VWDE: variants seen among roughly 807,000 people sequenced by gnomAD.
VWDE encodes von Willebrand factor D and EGF domain-containing protein.
Under a neutral mutation model 178.4 loss-of-function variants are expected in VWDE, and 207 were observed. The ratio of observed to expected loss-of-function variants is 1.16; its 90% CI spans 1.04 to 1.30. The LOEUF is 1.30. Among genes scored for constraint, VWDE ranks in the 50% most tolerant of loss-of-function variants. The probability of loss-of-function intolerance (pLI) is 0.00; values close to 1 mark genes in which losing one functional copy is unlikely to be tolerated. For synonymous variants in VWDE, 738 were observed against 651.4 expected (o/e 1.13, Z -2.02); for missense variants, 2,287 against 1,901.3 (o/e 1.20, Z -3.77).
chr7:12,357,981 G>A (rs994313385), intron 16 of VWDE, among the ~76,000 whole-genome samples: 2 of 151,874 alleles, frequency 1.3e-5, no homozygotes, highest in African/African-American at 4.8e-5. Context: ...AACGTTTCTC[G>A]CTGTACTTGC....
chr7:12,379,264 A>C (rs1216514174), intron 6 of VWDE, among the ~76,000 whole-genome samples: 1 of 152,236 alleles, frequency 6.6e-6, no homozygotes, highest in Non-Finnish European at 1.5e-5. Context: ...TCTTTAAAAA[A>C]TGAAGGTACA....
chr7:12,370,166 G>A lies in VWDE; in HGVS notation c.2140C>T (p.His714Tyr), dbSNP rs1409594752. 2 of 1,551,374 alleles carry A rather than the reference G, an allele frequency of 1.3e-6. No individual in the cohort carries two copies. The highest frequency in any genetic ancestry group is 8.7e-7 in the Non-Finnish European group (1 of 1,146,860). ...GAATCTTCTTTCTCATTTCCAGGAT[G>A]TTTTTGTACATTTAAGCCGAGTTTA... ...LTKLGLNVQK[H>Y]PGNEKEDSLQ... The change falls in exon 12 of 29, where the codon CAT (histidine) becomes TAT (tyrosine). Residue 714 changes from histidine (H) to tyrosine (Y), a missense_variant. His to Tyr is a moderately conservative substitution (Grantham distance 83). Coordinates refer to ENST00000275358, the MANE Select transcript of VWDE (RefSeq NM_001135924.3).
At chr7:12,337,938 T>C (rs1174216256) in intron 24 of VWDE, among the ~76,000 whole-genome samples, 2 of 152,146 alleles carry the variant, frequency 1.3e-5, no homozygotes, top group Admixed American at 6.5e-5. Flanking sequence ...TTCTTCCATA[T>C]ATGGAAATTA....
intron 19 of VWDE, among the ~76,000 whole-genome samples, chr7:12,349,194 T>A (rs1781788028): frequency 6.6e-6 from 1 of 151,532 alleles, no homozygotes; most frequent in Admixed American, 6.6e-5. Context: ...ACCTACACAT[T>A]GTGCACATGT....
chr7:12,397,170 A>G (rs577530649), intron 1 of VWDE, among the ~76,000 whole-genome samples: 1 of 152,302 alleles, frequency 6.6e-6, no homozygotes, highest in African/African-American at 2.4e-5. Flanking sequence ...ACTTCATACT[A>G]TATTATAAGG....
intron 27 of VWDE, among the ~76,000 whole-genome samples, chr7:12,335,604 T>C (rs1963819): frequency 0.021 from 3,133 of 152,070 alleles, 74 homozygotes; most frequent in Admixed American, 0.055. Flanking sequence ...TACAGGCGCC[T>C]GCCACCACGC....
Position 12,370,008 on chromosome 7 carries a change from A to G in VWDE, c.2298T>C (p.Ser766=), listed in dbSNP as rs1783086610. The G allele has an allele frequency of 6.4e-7, 1 of 1,551,278 alleles. No individual in the cohort carries two copies. Among genetic ancestry groups the G allele is most frequent in the South Asian group, 1.2e-5 (1 of 84,056 alleles). Reference sequence around the variant, plus strand: ...GTTCTTCCAGATCCGTTTGGCTGAGACTCGGGAAAGCAAACAAAGGAGGAA... The same window carrying G: ...GTTCTTCCAGATCCGTTTGGCTGAGGCTCGGGAAAGCAAACAAAGGAGGAA... The part of the protein sequence containing the change: ...HEFPPLFAFP[S]LSQTDLEELT... The change falls in exon 12 of 29, where the codon AGT becomes AGC. Residue 766 remains serine, a synonymous_variant. Transcript: ENST00000275358.
intron 28 of VWDE, among the ~76,000 whole-genome samples, chr7:12,332,425 A>G (rs1292365950): frequency 6.6e-6 from 1 of 152,102 alleles, no homozygotes; most frequent in Non-Finnish European, 1.5e-5. Context: ...ATGAGGAAGG[A>G]TTCAGATGGC....
intron 1 of VWDE, among the ~76,000 whole-genome samples, chr7:12,402,870 CATA>C (rs1784973763): frequency 6.6e-6 from 1 of 151,874 alleles, no homozygotes; most frequent in African/African-American, 2.4e-5. Flanking sequence ...AAATGTTGTA[CATA>C]ATGTTTTTTC....
At chr7:12,339,434 T>C (rs1260850822) in intron 24 of VWDE, among the ~76,000 whole-genome samples, 1 of 152,142 alleles carries the variant, frequency 6.6e-6, no homozygotes, top group Non-Finnish European at 1.5e-5. Flanking sequence ...TAACTTAGTC[T>C]TTACTTCTTT....
At position 12,336,152 on chromosome 7, in the gene VWDE, C is replaced by A. The variant is rs544020247; in HGVS notation, c.4643G>T (p.Arg1548Leu). 3 of 1,550,652 alleles carry A rather than the reference C, an allele frequency of 1.9e-6. No individual in the cohort carries two copies. In the African/African-American group the frequency reaches 4.1e-5, roughly 21 times the overall value. ...CHCPSSWEGV[R>L]CQIPICNPKC... ...TCCTGTGGGCTTACGTATTTGACACCGCACTCCTTCCCAGGAGGAAGGACA... is the reference window on the plus strand; with the variant it reads ...TCCTGTGGGCTTACGTATTTGACACAGCACTCCTTCCCAGGAGGAAGGACA... The change falls in exon 27 of 29, where the codon CGG becomes CTG. Residue 1548 changes from arginine (R) to leucine (L), a missense_variant. Arg to Leu is a moderately radical substitution (Grantham distance 102). Transcript: ENST00000275358.
chr7:12,371,978 C>T (rs1015617780), intron 10 of VWDE, among the ~76,000 whole-genome samples: 1 of 151,992 alleles, frequency 6.6e-6, no homozygotes, highest in Non-Finnish European at 1.5e-5. Context: ...GCAAAATGCA[C>T]ACATAGGTGC....
chr7:12,343,653 C>T (rs1205188823), intron 21 of VWDE, among the ~76,000 whole-genome samples: 1 of 152,142 alleles, frequency 6.6e-6, no homozygotes, highest in Non-Finnish European at 1.5e-5. Flanking sequence ...TACCTTTTCA[C>T]ATATTATTTT....
intron 2 of VWDE, 30 bp downstream of exon 2, chr7:12,393,564 T>C (rs922786023): frequency 1.4e-6 from 2 of 1,446,328 alleles, no homozygotes; most frequent in Non-Finnish European, 1.8e-6. Flanking sequence ...ATAAGGAAAA[T>C]AACATGCAGT....
Position 12,369,881 on chromosome 7 carries a change from G to C in VWDE, c.2425C>G (p.Leu809Val), listed in dbSNP as rs1039734864. ...GAGTTGGCTAGAGTCTCCTGACAGA[G>C]GGTCAAGGTGCTATACTCGGTGAGG... ...SGLTEYSTLTLCQETLANSSI... is the reference protein window; with the variant it reads ...SGLTEYSTLTVCQETLANSSI... Residue 809 changes from leucine to valine, a missense_variant, in exon 12 of 29, where the codon CTC becomes GTC. Physicochemically the swap from Leu to Val is conservative, Grantham distance 32. Transcript: ENST00000275358. 1.9e-6 allele frequency: 3 copies of C among 1,551,374 alleles called. No homozygotes were observed. Among genetic ancestry groups the C allele is most frequent in the African/African-American group, 1.4e-5 (1 of 73,024 alleles).
chr7:12,390,175 A>G (rs848012), intron 2 of VWDE, among the ~76,000 whole-genome samples: 8,385 of 151,978 alleles, frequency 0.055, 310 homozygotes, highest in Middle Eastern at 0.11. Context: ...AAAAAAAAAA[A>G]AAAGAAAGAA....
intron 12 of VWDE, among the ~76,000 whole-genome samples, chr7:12,367,850 G>T (rs1782948462): frequency 6.6e-6 from 1 of 151,936 alleles, no homozygotes; most frequent in Non-Finnish European, 1.5e-5. Flanking sequence ...CTGGGTTATA[G>T]AAAAAAATAT....
chr7:12,379,983 A>G (rs10229433), intron 5 of VWDE, among the ~76,000 whole-genome samples: 39,488 of 151,544 alleles, frequency 0.26, 7,434 homozygotes, highest in African/African-American at 0.54. Flanking sequence ...CTGTAGTCCC[A>G]GCTACTCAGG....
intron 28 of VWDE, among the ~76,000 whole-genome samples, chr7:12,333,064 A>C (rs1780817277): frequency 6.6e-6 from 1 of 152,190 alleles, no homozygotes; most frequent in Non-Finnish European, 1.5e-5. Flanking sequence ...TGATATTTGG[A>C]AATTTAAGAT....
Sources: allele counts gnomAD v4.1 joint callset (sites outside exome capture counted in the v4.1 genomes callset), GRCh38; gene constraint gnomAD v4.1.1; transcripts MANE v1.5; gene names NCBI Gene and HGNC (gene_info 2026-07-23, HGNC 2026-07-21).